TUSC3: variants seen among roughly 807,000 people sequenced by gnomAD.
TUSC3 encodes dolichyl-diphosphooligosaccharide--protein glycosyltransferase subunit TUSC3.
Under a neutral mutation model 44.8 loss-of-function variants are expected in TUSC3, and 45 were observed. The ratio of observed to expected loss-of-function variants is 1.00; its 90% CI spans 0.79 to 1.29. The LOEUF is 1.29. TUSC3 is among the 50% of genes most tolerant of loss of function. The pLI, the probability that TUSC3 is intolerant of heterozygous loss-of-function variation, is 0.00. For missense variants in TUSC3, 519 were observed against 437.9 expected (o/e 1.19, Z -1.65); for synonymous variants, 212 against 152.9 (o/e 1.39, Z -2.85).
At chr8:15,514,276 T>C (rs1309396445) in intron 2 of TUSC3, among the ~76,000 whole-genome samples, 1 of 152,320 alleles carries the variant, frequency 6.6e-6, no homozygotes, top group East Asian at 1.9e-4. Context: ...ACAAAATAGA[T>C]GTTTTATTTC....
intron 9 of TUSC3, among the ~76,000 whole-genome samples, chr8:15,753,875 G>C (rs766287900): frequency 2.0e-5 from 3 of 151,964 alleles, no homozygotes; most frequent in Non-Finnish European, 4.4e-5. Context: ...CAAATGTGAT[G>C]GCAAAAGCAA....
chr8:15,677,766 G>A (rs1281385639), intron 6 of TUSC3, among the ~76,000 whole-genome samples: 1 of 152,184 alleles, frequency 6.6e-6, no homozygotes, highest in East Asian at 1.9e-4. Flanking sequence ...CTTAGTGCAG[G>A]GGCAGGAAAG....
chr8:15,743,389 G>A, intron 7 of TUSC3, 149 bp from the exon 8 acceptor site: 2 of 796,572 alleles, frequency 2.5e-6, no homozygotes, highest in South Asian at 1.6e-5. Context: ...ACAAAGAATG[G>A]TAATTTTATG....
At chr8:15,461,154 C>T (rs1262746541) in intron 1 of TUSC3, among the ~76,000 whole-genome samples, 2 of 152,302 alleles carry the variant, frequency 1.3e-5, no homozygotes, top group South Asian at 4.1e-4. Context: ...CTCTACCCAT[C>T]CGTGAGCATG....
At chr8:15,453,547 C>T (rs978289872) in intron 1 of TUSC3, among the ~76,000 whole-genome samples, 1 of 152,212 alleles carries the variant, frequency 6.6e-6, no homozygotes, top group Non-Finnish European at 1.5e-5. Context: ...TCACTTTCTT[C>T]TCCCATCTAG....
At chr8:15,457,139 G>A (rs1415860371) in intron 1 of TUSC3, among the ~76,000 whole-genome samples, 15 of 145,572 alleles carry the variant, frequency 1.0e-4, no homozygotes, top group Non-Finnish European at 2.0e-4. Flanking sequence ...GACACAGGAA[G>A]GGGAAGATCA....
chr8:15,582,498 A>C (rs7006497), intron 1 of TUSC3, among the ~76,000 whole-genome samples: 2 of 152,360 alleles, frequency 1.3e-5, no homozygotes, highest in East Asian at 1.9e-4. Flanking sequence ...GTTTCTAAAA[A>C]TTTATGTTTA....
intron 2 of TUSC3, among the ~76,000 whole-genome samples, chr8:15,499,790 T>G (rs1176551649): frequency 1.3e-5 from 2 of 152,176 alleles, no homozygotes; most frequent in Non-Finnish European, 2.9e-5. Flanking sequence ...ATTAATGTTC[T>G]TTTTCCTCCC....
the TUSC3 span, among the ~76,000 whole-genome samples, chr8:15,813,708 C>T: frequency 2.6e-5 from 4 of 152,040 alleles, no homozygotes; most frequent in African/African-American, 9.7e-5. Flanking sequence ...GCATTGAGCT[C>T]CTTCTGTCTT....
At chr8:15,485,643 C>G (rs1043137584) in intron 2 of TUSC3, among the ~76,000 whole-genome samples, 2 of 152,004 alleles carry the variant, frequency 1.3e-5, no homozygotes, top group African/African-American at 4.8e-5. Context: ...TACTCCAAAA[C>G]CACATGCGTC....
chr8:15,740,962 T>A (rs1811167683), intron 7 of TUSC3, among the ~76,000 whole-genome samples: 1 of 152,196 alleles, frequency 6.6e-6, no homozygotes, highest in Non-Finnish European at 1.5e-5. Flanking sequence ...TGTTTGAATT[T>A]AAGCAATTCA....
intron 7 of TUSC3, among the ~76,000 whole-genome samples, chr8:15,740,722 T>C (rs1401991229): frequency 2.0e-5 from 3 of 152,172 alleles, no homozygotes; most frequent in African/African-American, 4.8e-5. Flanking sequence ...AGCAGTATGA[T>C]TGTACGTAGC....
At chr8:15,719,866 C>T (rs1186259545) in intron 6 of TUSC3, among the ~76,000 whole-genome samples, 3 of 152,014 alleles carry the variant, frequency 2.0e-5, no homozygotes, top group Non-Finnish European at 4.4e-5. Flanking sequence ...AGATCCAAAT[C>T]ATTTGTGTAT....
intron 2 of TUSC3, among the ~76,000 whole-genome samples, chr8:15,491,369 G>C (rs1211709469): frequency 1.3e-5 from 2 of 152,094 alleles, no homozygotes. Context: ...AACAAAATGG[G>C]AGGCAGGTTT....
the TUSC3 span, among the ~76,000 whole-genome samples, chr8:15,837,038 C>T: frequency 1.3e-5 from 2 of 152,030 alleles, no homozygotes; most frequent in African/African-American, 2.4e-5. Context: ...TCTTTTATCA[C>T]TGTTTGTCTG....
rs766749722 is a variant in TUSC3 at position 15,757,846 on chromosome 8, A to G, written c.*37A>G. ...TTGGACCATGGCACTTAAAAACTCT[A>G]TAACCTCAGGCAAGTCTTTTAATCT... On this transcript the variant is annotated 3_prime_UTR_variant, in exon 10 of 11. Transcript: ENST00000503731. 37 of 1,382,566 alleles carry G rather than the reference A, an allele frequency of 2.7e-5. No individual in the cohort carries two copies. The highest frequency in any genetic ancestry group is 1.7e-4 in the South Asian group (15 of 86,272). The allele number at this position is 1,382,566 out of a possible 1,614,324, so 85.6% of individuals were successfully genotyped here.
At chr8:15,796,874 C>T in the TUSC3 span, among the ~76,000 whole-genome samples, 3 of 152,150 alleles carry the variant, frequency 2.0e-5, no homozygotes, top group African/African-American at 7.2e-5. Context: ...GCCCGCTGCC[C>T]AATGTGGATA....
Position 15,509,500 on chromosome 8 carries a change from C to T in TUSC3, n.189+26017C>T, listed in dbSNP as rs193048982. Among the ~76,000 whole-genome samples, 135 of 151,960 alleles carry T rather than the reference C, an allele frequency of 8.9e-4. 2 individuals carry two copies. In the South Asian group the frequency reaches 9.2e-3, roughly 10 times the overall value. ...GCAGGCGCCTGTAATCCCAGCTACT[C>T]GGGAGGCTGAGGCAGGAGAGTCACT... On this transcript the variant is annotated intron_variant and non_coding_transcript_variant, in intron 2 of 5. Coordinates refer to the TUSC3 transcript ENST00000503191.
At chr8:15,583,411 C>T (rs140787982) in intron 1 of TUSC3, among the ~76,000 whole-genome samples, 1,930 of 152,210 alleles carry the variant, frequency 0.013, 86 homozygotes, top group Admixed American at 0.089. Flanking sequence ...AAGTGAAAAT[C>T]CTGCTACATG....
Sources: gnomAD v4.1 joint callset for allele counts (sites outside exome capture counted in the v4.1 genomes callset) on GRCh38, gnomAD v4.1.1 for gene constraint, MANE v1.5 for transcripts, NCBI Gene and HGNC (gene_info 2026-07-23, HGNC 2026-07-21) for gene names.